SRRM4: variants seen among roughly 807,000 people sequenced by gnomAD.
The protein encoded by SRRM4 is serine/arginine repetitive matrix protein 4.
Under a neutral mutation model 68.9 loss-of-function variants are expected in SRRM4, and 33 were observed. That is an observed-to-expected ratio of 0.48 (90% confidence interval 0.36 to 0.64). SRRM4 has a LOEUF of 0.64. Ranked by LOEUF, SRRM4 falls within the 30% of genes least tolerant of loss-of-function variation. The pLI is 0.00. For synonymous variants in SRRM4, 318 were observed against 318.8 expected (o/e 1.00, Z 0.03); for missense variants, 817 against 827.1 (o/e 0.99, Z 0.15).
chr12:119,003,600 C>T (rs1385283348), intron 1 of SRRM4, among the ~76,000 whole-genome samples: 6 of 152,092 alleles, frequency 3.9e-5, no homozygotes, highest in South Asian at 2.1e-4. Flanking sequence ...GATAACTACA[C>T]ATGGCTAAGA....
rs536589867 is a variant in SRRM4 at position 119,025,300 on chromosome 12, G to A, written c.131+43287G>A. On this transcript the variant is annotated intron_variant, in intron 1 of 12. Coordinates refer to ENST00000267260, the MANE Select transcript of SRRM4 (RefSeq NM_194286.4). ...GGCTGTCTGCATTTCAGGGGGGCTGGAATATATGGTGCAAGGAGTATGCAT... is the reference window on the plus strand; with the variant it reads ...GGCTGTCTGCATTTCAGGGGGGCTGAAATATATGGTGCAAGGAGTATGCAT... Among the ~76,000 whole-genome samples, 127 of 152,224 alleles carry A rather than the reference G, an allele frequency of 8.3e-4. 1 individual carries two copies. The highest frequency in any genetic ancestry group is 1.2e-3 in the Non-Finnish European group (80 of 68,004).
chr12:119,022,689 ATCTCAAACTGAGCATGGTCACATATG>A (rs1170800969), intron 1 of SRRM4, among the ~76,000 whole-genome samples: 1 of 152,230 alleles, frequency 6.6e-6, no homozygotes, highest in Admixed American at 6.5e-5. Context: ...TATCACATAT[ATCTCAAACTGAGCATGGTCACATATG>A]TCTCAAACTG....
chr12:119,057,064 C>T (rs1953781298), intron 1 of SRRM4, among the ~76,000 whole-genome samples: 1 of 152,182 alleles, frequency 6.6e-6, no homozygotes, highest in Non-Finnish European at 1.5e-5. Flanking sequence ...AGGGATTTTC[C>T]TAGATCACCT....
At chr12:119,027,556 A>C (rs1477623312) in intron 1 of SRRM4, among the ~76,000 whole-genome samples, 2 of 152,224 alleles carry the variant, frequency 1.3e-5, no homozygotes, top group Non-Finnish European at 2.9e-5. Flanking sequence ...TATACCCTGC[A>C]TGATGCAAAT....
chr12:119,109,368 GCC>G (rs2136045431), intron 2 of SRRM4, among the ~76,000 whole-genome samples: 1 of 152,296 alleles, frequency 6.6e-6, no homozygotes, highest in East Asian at 1.9e-4. Context: ...ATGTTGGCCT[GCC>G]CCGCTAGGTT....
intron 1 of SRRM4, among the ~76,000 whole-genome samples, chr12:119,024,221 G>A (rs1467819815): frequency 1.3e-5 from 2 of 152,080 alleles, no homozygotes; most frequent in Non-Finnish European, 2.9e-5. Flanking sequence ...TGCTCTGCCC[G>A]AAGTCATCCA....
At position 118,981,767 on chromosome 12, in the gene SRRM4, A is replaced by G. The variant is rs1169703051; in HGVS notation, c.-116A>G. On this transcript the variant is annotated 5_prime_UTR_variant, in exon 1 of 13. Coordinates refer to ENST00000267260, the MANE Select transcript of SRRM4 (RefSeq NM_194286.4). ...CCTGAACTCCGATCTCTCCCACCCC[A>G]CCCCTCTCTGGGTTTCACCCGGACA... The G allele has an allele frequency of 9.5e-7, 1 of 1,047,326 alleles. No homozygotes were observed. The highest frequency in any genetic ancestry group is 1.3e-6 in the Non-Finnish European group (1 of 760,752). 64.9% of individuals were successfully genotyped at this position (1,047,326 alleles called of 1,614,324 possible). A position where few individuals can be genotyped will look rare whatever the true frequency, so the allele number is the denominator to read the frequency against.
intron 2 of SRRM4, 174 bp from the exon 3 acceptor site, chr12:119,114,103 CT>C (rs1954162066): frequency 1.9e-6 from 1 of 519,328 alleles, no homozygotes; most frequent in South Asian, 2.9e-5. Flanking sequence ...GCATTAAGTC[CT>C]TATTTAGGTA....
chr12:119,126,527 A>C (rs899539857), intron 7 of SRRM4, among the ~76,000 whole-genome samples: 13 of 152,206 alleles, frequency 8.5e-5, no homozygotes, highest in African/African-American at 3.1e-4. Flanking sequence ...CTCTAAGCAC[A>C]GAGAAGCTAA....
In SRRM4 at chr12:119,102,268, C is replaced by A; in HGVS notation, c.164C>A (p.Ala55Asp). The change falls in exon 2 of 13, where the codon GCT becomes GAT. Residue 55 changes from alanine to aspartate, a missense_variant. Coordinates refer to ENST00000267260, the MANE Select transcript of SRRM4 (RefSeq NM_194286.4). ...CCCCAGAATAACCCCGTTGTCCCAGCTCAGGATGGACCCTCAGAAAAGCTG... is the reference window on the plus strand; with the variant it reads ...CCCCAGAATAACCCCGTTGTCCCAGATCAGGATGGACCCTCAGAAAAGCTG... Reference protein sequence around the residue: ...TEPQNNPVVPAQDGPSEKLGQ... With the variant: ...TEPQNNPVVPDQDGPSEKLGQ... 2 of 1,613,792 alleles carry A rather than the reference C, an allele frequency of 1.2e-6. No individual in the cohort carries two copies. Among genetic ancestry groups the A allele is most frequent in the Non-Finnish European group, 1.7e-6 (2 of 1,179,790 alleles).
intron 1 of SRRM4, among the ~76,000 whole-genome samples, chr12:118,999,671 A>G (rs183006362): frequency 3.3e-5 from 5 of 152,304 alleles, no homozygotes; most frequent in South Asian, 4.1e-4. Context: ...TTAAAGCCTT[A>G]TAATGCCCTG....
At chr12:119,076,151 A>AATG (rs201911456) in intron 1 of SRRM4, among the ~76,000 whole-genome samples, 12 of 113,910 alleles carry the variant, frequency 1.1e-4, no homozygotes, top group African/African-American at 3.1e-4. Flanking sequence ...CAATGGGAAT[A>AATG]ATGATGATGA....
chr12:119,051,560 A>G (rs1356407171), intron 1 of SRRM4, among the ~76,000 whole-genome samples: 1 of 152,190 alleles, frequency 6.6e-6, no homozygotes, highest in African/African-American at 2.4e-5. Context: ...AGATTACTCC[A>G]TGGGGCTGTA....
At chr12:119,089,002 G>C (rs1161819196) in intron 1 of SRRM4, among the ~76,000 whole-genome samples, 2 of 152,194 alleles carry the variant, frequency 1.3e-5, no homozygotes, top group Non-Finnish European at 2.9e-5. Flanking sequence ...ACTCGCCCGG[G>C]ATCACAGCTT....
chr12:118,982,748 G>A (rs1369686670), intron 1 of SRRM4, among the ~76,000 whole-genome samples: 2 of 148,982 alleles, frequency 1.3e-5, no homozygotes, highest in South Asian at 2.2e-4. Context: ...ATCCTTGGAT[G>A]GTGGTAGACA....
chr12:119,137,305 A>G (rs966490272), intron 8 of SRRM4, among the ~76,000 whole-genome samples: 1 of 152,148 alleles, frequency 6.6e-6, no homozygotes, highest in Non-Finnish European at 1.5e-5. Flanking sequence ...GTATTTTTGT[A>G]TCCTATTAGG....
intron 1 of SRRM4, among the ~76,000 whole-genome samples, chr12:119,019,216 G>C (rs999040252): frequency 1.3e-5 from 2 of 152,132 alleles, no homozygotes; most frequent in African/African-American, 4.8e-5. Flanking sequence ...TGCTCTGGGG[G>C]CCAGCTACTT....
chr12:119,013,176 A>G (rs991685020), intron 1 of SRRM4, among the ~76,000 whole-genome samples: 7 of 152,182 alleles, frequency 4.6e-5, no homozygotes, highest in Non-Finnish European at 8.8e-5. Context: ...GGAGTCAATC[A>G]GGCTGTTTCC....
At chr12:119,072,296 G>T (rs904579365) in intron 1 of SRRM4, among the ~76,000 whole-genome samples, 1 of 152,242 alleles carries the variant, frequency 6.6e-6, no homozygotes, top group East Asian at 1.9e-4. Context: ...AGGGGAAGGG[G>T]GTGTGGCAGC....
Sources: allele counts gnomAD v4.1 joint callset (sites outside exome capture counted in the v4.1 genomes callset), GRCh38; gene constraint gnomAD v4.1.1; transcripts MANE v1.5; gene names NCBI Gene and HGNC (gene_info 2026-07-23, HGNC 2026-07-21).